Variants in DAB1 observed in about 807,000 individuals in gnomAD.
The protein encoded by DAB1 is DAB adaptor protein 1, also known as disabled homolog 1.
A neutral mutation model predicts 64.6 loss-of-function variants in DAB1; 15 were observed. The ratio of observed to expected loss-of-function variants is 0.23; its 90% CI spans 0.16 to 0.36. The LOEUF is 0.36. Ranked by LOEUF, DAB1 falls within the 10% of genes least tolerant of loss-of-function variation. DAB1 has a pLI of 1.00. For missense variants in DAB1, 596 were observed against 706.7 expected (o/e 0.84, Z 1.78); for synonymous variants, 235 against 251.9 (o/e 0.93, Z 0.64).
intron 3 of DAB1, among the ~76,000 whole-genome samples, chr1:58,393,399 T>C (rs1644492652): frequency 6.6e-6 from 1 of 152,216 alleles, no homozygotes; most frequent in South Asian, 2.1e-4. Flanking sequence ...CTTATTTAAG[T>C]TCTAGGCATT....
intron 3 of DAB1, among the ~76,000 whole-genome samples, chr1:58,460,379 A>T (rs767585677): frequency 6.6e-6 from 1 of 152,144 alleles, no homozygotes; most frequent in African/African-American, 2.4e-5. Flanking sequence ...TACCCATACA[A>T]CCTTTCTTCT....
At chr1:57,104,150 T>C (rs1654933639) in intron 4 of DAB1, among the ~76,000 whole-genome samples, 2 of 152,208 alleles carry the variant, frequency 1.3e-5, no homozygotes, top group African/African-American at 2.4e-5. Context: ...CTGTTTCTGA[T>C]CTGTAACAAG....
chr1:57,260,212 G>A (rs1670078359), intron 2 of DAB1, among the ~76,000 whole-genome samples: 1 of 152,146 alleles, frequency 6.6e-6, no homozygotes, highest in African/African-American at 2.4e-5. Context: ...AGAAGAGCAT[G>A]ACACAGTCTC....
At chr1:57,701,203 G>A (rs1013122586) in intron 6 of DAB1, among the ~76,000 whole-genome samples, 1 of 151,788 alleles carries the variant, frequency 6.6e-6, no homozygotes, top group African/African-American at 2.4e-5. Flanking sequence ...CCCATTACTG[G>A]GTATATACCC....
At chr1:57,597,386 T>C (rs2101579851) in intron 7 of DAB1, among the ~76,000 whole-genome samples, 1 of 152,342 alleles carries the variant, frequency 6.6e-6, no homozygotes, top group East Asian at 1.9e-4. Context: ...CCTTCCTAGC[T>C]GTGTAGCACT....
chr1:57,523,295 T>C (rs1357248010), intron 7 of DAB1, among the ~76,000 whole-genome samples: 2 of 152,080 alleles, frequency 1.3e-5, no homozygotes, highest in Non-Finnish European at 2.9e-5. Context: ...TACCAAAAGA[T>C]ACAAATATTT....
intron 5 of DAB1, among the ~76,000 whole-genome samples, chr1:58,020,771 A>C (rs1051295728): frequency 5.3e-5 from 8 of 152,144 alleles, no homozygotes; most frequent in Admixed American, 3.3e-4. Context: ...TGGGGGCCGA[A>C]GTGGGCGGAT....
intron 9 of DAB1, among the ~76,000 whole-genome samples, chr1:57,041,601 A>C (rs1647802781): frequency 6.6e-6 from 1 of 152,230 alleles, no homozygotes; most frequent in South Asian, 2.1e-4. Flanking sequence ...CATTAGGGAA[A>C]TATCCATCTC....
intron 1 of DAB1, among the ~76,000 whole-genome samples, chr1:57,399,656 A>G (rs1172481009): frequency 6.6e-6 from 1 of 152,214 alleles, no homozygotes; most frequent in Admixed American, 6.5e-5. Flanking sequence ...AATGGTAAGA[A>G]GCCTTCATTT....
intron 5 of DAB1, among the ~76,000 whole-genome samples, chr1:57,931,802 T>C (rs1172278176): frequency 6.6e-6 from 1 of 152,170 alleles, no homozygotes; most frequent in Non-Finnish European, 1.5e-5. Context: ...AAAAAGTTTT[T>C]GGTTTGGTTG....
At chr1:58,438,784 T>C (rs1644973405) in intron 3 of DAB1, among the ~76,000 whole-genome samples, 1 of 152,192 alleles carries the variant, frequency 6.6e-6, no homozygotes, top group African/African-American at 2.4e-5. Context: ...TCCTGCTGGA[T>C]TAAGTTGAGT....
At chr1:58,371,277 G>A (rs1187387795) in intron 3 of DAB1, among the ~76,000 whole-genome samples, 1 of 152,180 alleles carries the variant, frequency 6.6e-6, no homozygotes, top group Admixed American at 6.5e-5. Flanking sequence ...GCAGCAGTTT[G>A]CCCCTGCCCT....
chr1:57,211,686 A>G (rs1351963596), intron 2 of DAB1, among the ~76,000 whole-genome samples: 3 of 152,254 alleles, frequency 2.0e-5, no homozygotes, highest in Non-Finnish European at 4.4e-5. Context: ...TATTGTGTAC[A>G]GTCAGCCCTC....
At chr1:57,455,436 T>C (rs1686552096) in intron 7 of DAB1, among the ~76,000 whole-genome samples, 1 of 152,138 alleles carries the variant, frequency 6.6e-6, no homozygotes, top group Admixed American at 6.6e-5. Flanking sequence ...GTCTCTTAAT[T>C]ATTACAAGGG....
At chr1:57,164,261 G>C (rs1661026356) in intron 2 of DAB1, among the ~76,000 whole-genome samples, 1 of 152,092 alleles carries the variant, frequency 6.6e-6, no homozygotes, top group Non-Finnish European at 1.5e-5. Flanking sequence ...TCTTAGCACA[G>C]ATATGACCAT....
chr1:57,531,159 C>T (rs556515620), intron 7 of DAB1, among the ~76,000 whole-genome samples: 12 of 152,126 alleles, frequency 7.9e-5, no homozygotes, highest in South Asian at 2.1e-4. Flanking sequence ...TGAAAATGGC[C>T]GGTTCCTGCC....
At chr1:58,076,253 T>C (rs1295516463) in intron 5 of DAB1, among the ~76,000 whole-genome samples, 1 of 152,188 alleles carries the variant, frequency 6.6e-6, no homozygotes, top group African/African-American at 2.4e-5. Context: ...AGCTCCATTT[T>C]ATAGATGAGA....
intron 1 of DAB1, among the ~76,000 whole-genome samples, chr1:57,423,398 A>C (rs1009265241): frequency 2.6e-5 from 4 of 151,984 alleles, no homozygotes; most frequent in African/African-American, 9.7e-5. Context: ...ACTGGGATAG[A>C]GTCGGTTTTT....
At chr1:57,348,163 G>C (rs1454635993) in intron 1 of DAB1, among the ~76,000 whole-genome samples, 1 of 152,136 alleles carries the variant, frequency 6.6e-6, no homozygotes, top group Non-Finnish European at 1.5e-5. Context: ...AACTTGCCGA[G>C]TGTTTCCTAT....
Sources: gnomAD v4.1 joint callset for allele counts (sites outside exome capture counted in the v4.1 genomes callset) on GRCh38, gnomAD v4.1.1 for gene constraint, MANE v1.5 for transcripts, NCBI Gene and HGNC (gene_info 2026-07-23, HGNC 2026-07-21) for gene names.